The following TMEM132E variants were observed in gnomAD, a reference collection of about 807,000 sequenced individuals.
TMEM132E encodes the protein transmembrane protein 132E.
Under a neutral mutation model 78.5 loss-of-function variants are expected in TMEM132E, and 49 were observed. That is an observed-to-expected ratio of 0.62 (90% CI 0.50 to 0.79). The LOEUF is 0.79. Ranked by LOEUF, TMEM132E falls within the 30% of genes least tolerant of loss-of-function variation. The pLI is 0.00. For missense variants in TMEM132E, 1,403 were observed against 1,470.9 expected, an observed-to-expected ratio of 0.95 and a Z score of 0.75; for synonymous variants, 715 against 670.6, an observed-to-expected ratio of 1.07 and a Z score of -1.02.
At chr17:34,600,020 C>T (rs984389528) in intron 1 of TMEM132E, among the ~76,000 whole-genome samples, 1 of 152,182 alleles carries the variant, frequency 6.6e-6, no homozygotes, top group Non-Finnish European at 1.5e-5. Flanking sequence ...GACAGGACCC[C>T]AGGAAGGAAG....
Position 34,627,051 on chromosome 17 carries a change from C to T in TMEM132E, c.992C>T (p.Thr331Ile). 6.2e-7 allele frequency: 1 copy of T among 1,613,432 alleles called. No individual in the cohort carries two copies. Among genetic ancestry groups the T allele is most frequent in the East Asian group, 2.2e-5 (1 of 44,852 alleles). ...SPSSPSVEHFTLRVKAKKGVT... is the reference protein window; with the variant it reads ...SPSSPSVEHFILRVKAKKGVT... ...TCCAGCCCCAGCGTGGAGCACTTCA[C>T]ACTCAGGTAGTAGGGAAGATGGGTG... The change falls in exon 2 of 9, where the codon ACA becomes ATA. Residue 331 changes from threonine to isoleucine, a missense_variant. By Grantham distance (89) the Thr-to-Ile change is moderately conservative. Transcript: ENST00000631683.
intron 1 of TMEM132E, among the ~76,000 whole-genome samples, chr17:34,619,812 T>C (rs768659875): frequency 2.6e-5 from 4 of 152,216 alleles, no homozygotes; most frequent in Non-Finnish European, 5.9e-5. Context: ...GATTCCTATA[T>C]TCAGGCAAAC....
chr17:34,626,241 C>G lies in TMEM132E; in HGVS notation c.182C>G (p.Ala61Gly). The G allele has an allele frequency of 1.9e-6, 3 of 1,595,230 alleles. No homozygotes were observed. The highest frequency in any genetic ancestry group is 1.1e-5 in the South Asian group (1 of 88,180). Residue 61 changes from alanine (A) to glycine (G), a missense_variant, in exon 2 of 9, where the codon GCG (alanine) becomes GGG (glycine). Coordinates refer to ENST00000631683, the MANE Select transcript of TMEM132E (RefSeq NM_001304438.2). The part of the protein sequence containing the change: ...HTRLAFFLRE[A>G]RPPSPAVANS... Reference sequence around the variant, plus strand: ...CGGCTGGCCTTCTTCCTGCGGGAGGCGCGGCCCCCGTCACCCGCGGTCGCC... The same window carrying G: ...CGGCTGGCCTTCTTCCTGCGGGAGGGGCGGCCCCCGTCACCCGCGGTCGCC...
At chr17:34,619,201 C>G (rs1906875674) in intron 1 of TMEM132E, among the ~76,000 whole-genome samples, 1 of 152,050 alleles carries the variant, frequency 6.6e-6, no homozygotes, top group South Asian at 2.1e-4. Context: ...TTCATTCATT[C>G]ATTCATAGAT....
At chr17:34,615,594 C>G (rs1290402260) in intron 1 of TMEM132E, among the ~76,000 whole-genome samples, 2 of 151,630 alleles carry the variant, frequency 1.3e-5, no homozygotes, top group East Asian at 3.9e-4. Context: ...CATTCCTTCA[C>G]TCACTCATTC....
At chr17:34,589,776 C>T (rs1257744243) in intron 1 of TMEM132E, among the ~76,000 whole-genome samples, 2 of 152,162 alleles carry the variant, frequency 1.3e-5, no homozygotes, top group South Asian at 2.1e-4. Context: ...ACGGCTGCAG[C>T]CCACCCTCCT....
intron 1 of TMEM132E, among the ~76,000 whole-genome samples, chr17:34,621,140 G>A (rs1402093461): frequency 6.6e-6 from 1 of 152,186 alleles, no homozygotes; most frequent in Non-Finnish European, 1.5e-5. Flanking sequence ...GGGAAACTGA[G>A]GCTCGGAGGG....
At chr17:34,614,455 A>T (rs1906711838) in intron 1 of TMEM132E, 1 of 152,154 alleles carries the variant, frequency 6.6e-6, no homozygotes, top group Non-Finnish European at 1.5e-5. Flanking sequence ...GAAATAAAAG[A>T]GCTGTTCCCA....
In TMEM132E at chr17:34,626,259, C is replaced by G. The variant is rs767556248; in HGVS notation, c.200C>G (p.Ala67Gly). The part of the protein sequence containing the change: ...FLREARPPSP[A>G]VANSSLQRSE... ...CGGGAGGCGCGGCCCCCGTCACCCG[C>G]GGTCGCCAACAGCTCTCTGCAGCGC... is the stretch of plus-strand genomic sequence containing the variant. Residue 67 changes from alanine to glycine, a missense_variant, in exon 2 of 9, where the codon GCG (alanine) becomes GGG (glycine). Physicochemically the swap from Ala to Gly is moderately conservative, Grantham distance 60. Transcript: ENST00000631683. 6.2e-7 allele frequency: 1 copy of G among 1,602,984 alleles called. No individual in the cohort carries two copies. Among genetic ancestry groups the G allele is most frequent in the Non-Finnish European group, 8.5e-7 (1 of 1,175,400 alleles).
chr17:34,616,211 G>A (rs74767750), intron 1 of TMEM132E, among the ~76,000 whole-genome samples: 7,360 of 152,190 alleles, frequency 0.048, 518 homozygotes, highest in East Asian at 0.17. Context: ...AGGTCTCCTG[G>A]GAGGGGATTC....
chr17:34,630,772 C>T (rs1034094666), intron 5 of TMEM132E, among the ~76,000 whole-genome samples: 8 of 152,118 alleles, frequency 5.3e-5, no homozygotes, highest in Non-Finnish European at 7.4e-5. Context: ...TCCTGTCAGC[C>T]GTGAGCTCCC....
At chr17:34,582,303 T>C (rs1473138032) in intron 1 of TMEM132E, among the ~76,000 whole-genome samples, 1 of 152,038 alleles carries the variant, frequency 6.6e-6, no homozygotes, top group Non-Finnish European at 1.5e-5. Flanking sequence ...ATCTGCCCAG[T>C]CCCTAAGAGC....
chr17:34,612,390 C>G (rs893849253), intron 1 of TMEM132E, among the ~76,000 whole-genome samples: 1 of 152,194 alleles, frequency 6.6e-6, no homozygotes, highest in African/African-American at 2.4e-5. Flanking sequence ...CTTCACTCTC[C>G]TCCCCAACTG....
chr17:34,598,630 A>C (rs1219748736), intron 1 of TMEM132E, among the ~76,000 whole-genome samples: 1 of 152,048 alleles, frequency 6.6e-6, no homozygotes, highest in South Asian at 2.1e-4. Context: ...TCCTCCCTGC[A>C]CTCCCTTTGA....
chr17:34,616,741 C>A (rs143136722), intron 1 of TMEM132E, among the ~76,000 whole-genome samples: 341 of 152,268 alleles, frequency 2.2e-3, no homozygotes, highest in African/African-American at 7.8e-3. Flanking sequence ...ACATCTCCCT[C>A]AGACCCCAGA....
intron 7 of TMEM132E, 63 bp from the exon 8 acceptor site, chr17:34,635,944 G>T: frequency 7.6e-7 from 1 of 1,314,184 alleles, no homozygotes; most frequent in Non-Finnish European, 9.8e-7. Flanking sequence ...CCCTAGCTGG[G>T]GGTCTTGGGC....
chr17:34,634,420 A>G (rs1907448490), intron 6 of TMEM132E, among the ~76,000 whole-genome samples: 1 of 152,208 alleles, frequency 6.6e-6, no homozygotes, highest in African/African-American at 2.4e-5. Context: ...CAATTCAGCT[A>G]AGATTTCTGG....
intron 1 of TMEM132E, among the ~76,000 whole-genome samples, chr17:34,599,225 T>C (rs1355562772): frequency 6.6e-6 from 1 of 152,254 alleles, no homozygotes; most frequent in Non-Finnish European, 1.5e-5. Flanking sequence ...CAAGAGGGTA[T>C]GTGGAGAATC....
intron 6 of TMEM132E, among the ~76,000 whole-genome samples, chr17:34,634,063 C>G (rs1171906035): frequency 6.6e-6 from 1 of 152,190 alleles, no homozygotes; most frequent in Non-Finnish European, 1.5e-5. Flanking sequence ...AAAGAATGCT[C>G]TGTGTGAATG....
Sources: allele counts gnomAD v4.1 joint callset (sites outside exome capture counted in the v4.1 genomes callset), GRCh38; gene constraint gnomAD v4.1.1; transcripts MANE v1.5; gene names NCBI Gene and HGNC (gene_info 2026-07-23, HGNC 2026-07-21).